Variants in BOC observed in about 807,000 individuals in gnomAD.
The protein encoded by BOC is brother of CDO.
BOC carries 76 observed loss-of-function variants against 112.0 expected under a neutral mutation model. The observed-to-expected ratio is 0.68, with a 90% CI of 0.56 to 0.82. The LOEUF is 0.82. BOC is among the 40% of genes least tolerant of loss of function. BOC has a pLI of 0.00. For synonymous variants in BOC, 580 were observed against 599.8 expected, an observed-to-expected ratio of 0.97 and a Z score of 0.48; for missense variants, 1,309 against 1,511.7, an observed-to-expected ratio of 0.87 and a Z score of 2.22.
chr3:113,229,375 G>A (rs913082409), intron 2 of BOC, among the ~76,000 whole-genome samples: 4 of 152,156 alleles, frequency 2.6e-5, no homozygotes, highest in East Asian at 1.9e-4. Flanking sequence ...ATGTCCAAAC[G>A]CTTAAATTTG....
chr3:113,285,309 G>C, intron 18 of BOC, 63 bp from the exon 19 acceptor site: 1 of 1,530,742 alleles, frequency 6.5e-7, no homozygotes, highest in East Asian at 2.2e-5. Context: ...AGCCAGCAGG[G>C]GGATGGGGCG....
chr3:113,217,949 C>T (rs1939786290), intron 2 of BOC, among the ~76,000 whole-genome samples: 1 of 152,188 alleles, frequency 6.6e-6, no homozygotes, highest in Admixed American at 6.5e-5. Flanking sequence ...CCTAGAAATA[C>T]ATGCCTGAAT....
In BOC at chr3:113,281,173, C is replaced by T; in HGVS notation, c.2434+20C>T. 1 of 1,613,398 alleles carries T rather than the reference C, an allele frequency of 6.2e-7. No homozygotes were observed. The highest frequency in any genetic ancestry group is 1.7e-5 in the Admixed American group (1 of 59,992). On this transcript the variant is annotated intron_variant, in intron 15 of 19. Transcript: ENST00000682979. ...CCAAAGGTGAAGCTCTTTGGGTTCT[C>T]TCTCCTGTCTTGGTGTTTCCAGCGA...
rs768070815 is a variant in BOC, at chr3:113,273,236, C to T, written c.1129C>T (p.Arg377Cys). 9.3e-6 allele frequency: 15 copies of T among 1,613,476 alleles called. No individual in the cohort carries two copies. The East Asian group carries it at 1.6e-4, about 17-fold the overall frequency. The change falls in exon 8 of 20, where the codon CGC becomes TGC. Residue 377 changes from arginine (R) to cysteine (C), a missense_variant. Transcript: ENST00000682979. ...QRLRLSRRAL[R>C]VLSMGPEDEG... Reference sequence around the variant, plus strand: ...CCTCCGGCTCTCCCGCAGGGCCCTGCGCGTGCTCAGCATGGGGCCTGAGGA... The same window carrying T: ...CCTCCGGCTCTCCCGCAGGGCCCTGTGCGTGCTCAGCATGGGGCCTGAGGA...
At chr3:113,286,472 A>C (rs945372387) in intron 19 of BOC, among the ~76,000 whole-genome samples, 1 of 151,994 alleles carries the variant, frequency 6.6e-6, no homozygotes, top group African/African-American at 2.4e-5. Flanking sequence ...CATGAGTGGG[A>C]AATGGGTGGC....
In BOC at chr3:113,251,201, C is replaced by A. The variant is rs1945598365; in HGVS notation, c.376+368C>A. ...GTGCACTGTCCCAACTGCTCACACA[C>A]CTTCCAGTCCCCTCCCTCCATTCTC... is the stretch of plus-strand genomic sequence containing the variant. On this transcript the variant is annotated intron_variant, in intron 4 of 19. Transcript: ENST00000682979. The A allele has an allele frequency of 2.4e-5, 11 of 465,284 alleles. No homozygotes were observed. In the South Asian group the frequency reaches 3.8e-4, roughly 16 times the overall value. The allele number at this position is 465,284 out of a possible 1,614,324, so 28.8% of individuals were successfully genotyped here.
intron 2 of BOC, among the ~76,000 whole-genome samples, chr3:113,232,031 A>G (rs916385443): frequency 1.3e-5 from 2 of 152,180 alleles, no homozygotes; most frequent in African/African-American, 4.8e-5. Flanking sequence ...GTACCTGGGA[A>G]TGGCAGAACC....
chr3:113,271,115 C>A, intron 6 of BOC, 171 bp downstream of exon 6: 1 of 957,338 alleles, frequency 1.0e-6, no homozygotes, highest in Non-Finnish European at 1.6e-6. Context: ...TCTCTCCCCT[C>A]TGGCCGGCCT....
chr3:113,220,353 GT>G (rs1313363291), intron 2 of BOC, among the ~76,000 whole-genome samples: 1 of 152,184 alleles, frequency 6.6e-6, no homozygotes, highest in Non-Finnish European at 1.5e-5. Context: ...GGTTTTCTGG[GT>G]TTGGGGGCAC....
At chr3:113,219,770 C>T (rs1940222220) in intron 2 of BOC, among the ~76,000 whole-genome samples, 1 of 152,162 alleles carries the variant, frequency 6.6e-6, no homozygotes, top group African/African-American at 2.4e-5. Context: ...AGAAGCCAGG[C>T]TTTGTGGCTT....
Position 113,279,202 on chromosome 3 carries a change from C to T in BOC, c.1817-47C>T, listed in dbSNP as rs151170233. 1.8e-4 allele frequency: 281 copies of T among 1,582,214 alleles called. 1 individual carries two copies. In the East Asian group the frequency reaches 6.1e-3, roughly 34 times the overall value. On this transcript the variant is annotated intron_variant, in intron 11 of 19. Coordinates refer to ENST00000682979, the MANE Select transcript of BOC (RefSeq NM_001378074.1). The stretch of plus-strand genomic sequence containing the variant: ...TCATCTCACCCTGCTTCCTTCCTCA[C>T]GTCATCTCACCCTGCTTCCTTCCTC...
At chr3:113,217,010 G>A (rs1449831963) in intron 2 of BOC, among the ~76,000 whole-genome samples, 1 of 152,224 alleles carries the variant, frequency 6.6e-6, no homozygotes, top group Non-Finnish European at 1.5e-5. Context: ...AGTTTGGACA[G>A]TATTGGACAA....
intron 2 of BOC, among the ~76,000 whole-genome samples, chr3:113,219,870 T>A (rs946271342): frequency 6.6e-6 from 1 of 152,052 alleles, no homozygotes; most frequent in African/African-American, 2.4e-5. Flanking sequence ...CCAACTTAGG[T>A]TTCATCTCAG....
intron 6 of BOC, 169 bp downstream of exon 6, chr3:113,271,113 C>T (rs532667936): frequency 1.2e-5 from 12 of 972,106 alleles, no homozygotes; most frequent in African/African-American, 3.2e-5. Flanking sequence ...ATTCTCTCCC[C>T]TCTGGCCGGC....
intron 2 of BOC, among the ~76,000 whole-genome samples, chr3:113,245,433 C>A (rs577171914): frequency 6.6e-6 from 1 of 152,242 alleles, no homozygotes; most frequent in South Asian, 2.1e-4. Context: ...CTCACATATT[C>A]AGCCCTCTGA....
intron 17 of BOC, 104 bp downstream of exon 17, chr3:113,284,671 C>A: frequency 6.6e-7 from 1 of 1,515,504 alleles, no homozygotes; most frequent in Non-Finnish European, 9.1e-7. Context: ...GGCTGGGCTG[C>A]TGGGCCAGGC....
intron 9 of BOC, among the ~76,000 whole-genome samples, chr3:113,276,583 C>T (rs1298237571): frequency 6.6e-6 from 1 of 152,322 alleles, no homozygotes; most frequent in Non-Finnish European, 1.5e-5. Context: ...AATTTGAAAT[C>T]GAAAGTCAGC....
intron 2 of BOC, among the ~76,000 whole-genome samples, chr3:113,233,958 A>C (rs1943076476): frequency 6.6e-6 from 1 of 152,086 alleles, no homozygotes; most frequent in Non-Finnish European, 1.5e-5. Flanking sequence ...CTCAAGCTCC[A>C]CTTTGCAGCC....
chr3:113,234,075 A>T (rs1336771214), intron 2 of BOC, among the ~76,000 whole-genome samples: 1 of 152,206 alleles, frequency 6.6e-6, no homozygotes, highest in Non-Finnish European at 1.5e-5. Context: ...TTCTTTGAGT[A>T]CCTGCTATAT....
Sources: gnomAD v4.1 joint callset for allele counts (sites outside exome capture counted in the v4.1 genomes callset) on GRCh38, gnomAD v4.1.1 for gene constraint, MANE v1.5 for transcripts, NCBI Gene and HGNC (gene_info 2026-07-23, HGNC 2026-07-21) for gene names.